Variants in NDFIP2 observed in about 807,000 individuals in gnomAD.
The protein encoded by NDFIP2 is NEDD4 family-interacting protein 2.
NDFIP2 carries 19 observed loss-of-function variants against 36.0 expected under a neutral mutation model. The ratio of observed to expected loss-of-function variants is 0.53; its 90% CI spans 0.37 to 0.77. The LOEUF (loss-of-function observed/expected upper bound fraction) is 0.77, where lower values mean the gene tolerates loss of function less well. Ranked by LOEUF, NDFIP2 falls within the 30% of genes least tolerant of loss-of-function variation. NDFIP2 has a pLI of 0.00. For synonymous variants in NDFIP2, 181 were observed against 167.7 expected (o/e 1.08, Z -0.61); for missense variants, 446 against 435.8 (o/e 1.02, Z -0.21).
At chr13:79,538,180 A>T (rs779185481) in intron 3 of NDFIP2, among the ~76,000 whole-genome samples, 1 of 152,142 alleles carries the variant, frequency 6.6e-6, no homozygotes, top group African/African-American at 2.4e-5. Context: ...CCATGATCCG[A>T]TCACCTCCTA....
rs144441596 is a variant in NDFIP2 at position 79,539,576 on chromosome 13, A to C, written c.622-106A>C. 6.0e-6 allele frequency: 5 copies of C among 833,580 alleles called. No individual in the cohort carries two copies. The African/African-American group carries it at 8.5e-5, about 14-fold the overall frequency. The allele number at this position is 833,580 out of a possible 1,614,324, so 51.6% of individuals were successfully genotyped here. A position where few individuals can be genotyped will look rare whatever the true frequency, so the allele number is the denominator to read the frequency against. On this transcript the variant is annotated intron_variant, in intron 3 of 7. Coordinates refer to ENST00000218652, the MANE Select transcript of NDFIP2 (RefSeq NM_019080.3). ...ATTGTACTCATTATTGCATTTGTCT[A>C]TACAACAAATTGAGAACATTAGATG...
chr13:79,529,563 T>C (rs2137096596), intron 2 of NDFIP2, among the ~76,000 whole-genome samples: 1 of 152,332 alleles, frequency 6.6e-6, no homozygotes, highest in East Asian at 1.9e-4. Context: ...TTTTACATCC[T>C]GATAATAAAT....
At position 79,511,862 on chromosome 13, in the gene NDFIP2, G is replaced by A. The variant is rs117987979; in HGVS notation, c.322-8948G>A. Among the ~76,000 whole-genome samples the A allele has an allele frequency of 1.9e-3, 285 of 152,274 alleles. 1 individual carries two copies. The highest frequency in any genetic ancestry group is 3.4e-3 in the Non-Finnish European group (231 of 68,008). The stretch of plus-strand genomic sequence containing the variant: ...TAAGACCCCAGGGGCTCAGAAAGCA[G>A]CACAGACTTGCAAGTGAATGTTTCC... On this transcript the variant is annotated intron_variant, in intron 1 of 7. Transcript: ENST00000218652.
intron 2 of NDFIP2, among the ~76,000 whole-genome samples, chr13:79,523,185 CTG>C (rs1874652296): frequency 1.3e-5 from 2 of 152,196 alleles, no homozygotes; most frequent in South Asian, 4.1e-4. Context: ...CCTATAAATA[CTG>C]TGTTTTTTCT....
chr13:79,519,326 A>T (rs1365936139), intron 1 of NDFIP2, among the ~76,000 whole-genome samples: 1 of 152,232 alleles, frequency 6.6e-6, no homozygotes, highest in African/African-American at 2.4e-5. Flanking sequence ...AAAGTATCTT[A>T]AAAATTTTTA....
At chr13:79,489,435 A>T (rs1044781332) in intron 1 of NDFIP2, among the ~76,000 whole-genome samples, 9 of 152,200 alleles carry the variant, frequency 5.9e-5, no homozygotes, top group African/African-American at 1.9e-4. Flanking sequence ...CCTATTGGTC[A>T]GAGCAGTTGT....
intron 2 of NDFIP2, among the ~76,000 whole-genome samples, chr13:79,530,258 G>T (rs1874964226): frequency 6.6e-6 from 1 of 152,076 alleles, no homozygotes; most frequent in Admixed American, 6.6e-5. Context: ...TGAGTAGCTG[G>T]TACTACAGGG....
intron 6 of NDFIP2, among the ~76,000 whole-genome samples, chr13:79,549,347 A>G (rs954195106): frequency 6.6e-6 from 1 of 151,896 alleles, no homozygotes; most frequent in South Asian, 2.1e-4. Context: ...TTTCTTACCT[A>G]AAAGTGAGAA....
chr13:79,522,573 CTCCTAGAG>C (rs1874628540), intron 2 of NDFIP2, among the ~76,000 whole-genome samples: 1 of 152,182 alleles, frequency 6.6e-6, no homozygotes, highest in African/African-American at 2.4e-5. Flanking sequence ...ATGCTCTTCT[CTCCTAGAG>C]TCTTATGTGA....
chr13:79,487,581 G>GGTAGGT, intron 1 of NDFIP2, among the ~76,000 whole-genome samples: 1 of 151,940 alleles, frequency 6.6e-6, no homozygotes, highest in Non-Finnish European at 1.5e-5. Context: ...TGAGTAATAG[G>GGTAGGT]GTAGGTGTAT....
intron 6 of NDFIP2, 135 bp downstream of exon 6, chr13:79,548,529 C>T (rs921863125): frequency 1.7e-5 from 12 of 698,984 alleles, no homozygotes; most frequent in South Asian, 1.2e-4. Context: ...CATCATCTCA[C>T]GTTTTTAAAC....
intron 1 of NDFIP2, among the ~76,000 whole-genome samples, chr13:79,509,352 T>A (rs1244783341): frequency 1.3e-5 from 2 of 152,120 alleles, no homozygotes; most frequent in African/African-American, 2.4e-5. Flanking sequence ...GGCAATTGGT[T>A]GAGTTATTAT....
intron 4 of NDFIP2, among the ~76,000 whole-genome samples, chr13:79,541,672 G>A (rs1028585023): frequency 1.3e-5 from 2 of 151,688 alleles, no homozygotes; most frequent in African/African-American, 2.4e-5. Context: ...TATATTTTCC[G>A]TGTTTCTTAA....
chr13:79,512,794 C>G (rs1874129982), intron 1 of NDFIP2, among the ~76,000 whole-genome samples: 1 of 152,142 alleles, frequency 6.6e-6, no homozygotes, highest in Non-Finnish European at 1.5e-5. Context: ...ACATGTCTTG[C>G]AGTCTCTGAA....
chr13:79,544,619 A>G (rs563857501), intron 5 of NDFIP2, among the ~76,000 whole-genome samples: 2 of 152,228 alleles, frequency 1.3e-5, no homozygotes, highest in African/African-American at 4.8e-5. Flanking sequence ...AAATTAAAAT[A>G]CATACATTCT....
chr13:79,496,610 A>C (rs1873441390), intron 1 of NDFIP2, among the ~76,000 whole-genome samples: 1 of 151,708 alleles, frequency 6.6e-6, no homozygotes, highest in Admixed American at 6.6e-5. Context: ...TATGGCCATT[A>C]TTTCTTCAAA....
chr13:79,549,723 G>C (rs981290567), intron 6 of NDFIP2, among the ~76,000 whole-genome samples: 1 of 151,802 alleles, frequency 6.6e-6, no homozygotes, highest in African/African-American at 2.4e-5. Flanking sequence ...TAGAGACAAA[G>C]GAAGGGATCC....
intron 1 of NDFIP2, among the ~76,000 whole-genome samples, chr13:79,508,662 G>C (rs987718590): frequency 1.3e-5 from 2 of 152,172 alleles, no homozygotes; most frequent in African/African-American, 4.8e-5. Context: ...CTTTACTGCA[G>C]ACTGTTTTAT....
chr13:79,497,606 G>A (rs952118050), intron 1 of NDFIP2, among the ~76,000 whole-genome samples: 1 of 148,418 alleles, frequency 6.7e-6, no homozygotes, highest in Non-Finnish European at 1.5e-5. Context: ...TGGGAAGGTT[G>A]GACTGTAGGG....
Sources: allele counts gnomAD v4.1 joint callset (sites outside exome capture counted in the v4.1 genomes callset), GRCh38; gene constraint gnomAD v4.1.1; transcripts MANE v1.5; gene names NCBI Gene and HGNC (gene_info 2026-07-23, HGNC 2026-07-21).